Variants in ORC5 observed in about 807,000 individuals in gnomAD.
ORC5 encodes the protein protein phosphatase 1, regulatory subunit 117.
ORC5 carries 39 observed loss-of-function variants against 58.8 expected under a neutral mutation model. The ratio of observed to expected loss-of-function variants is 0.66; its 90% CI spans 0.51 to 0.87. The LOEUF (loss-of-function observed/expected upper bound fraction) is 0.87, where lower values mean the gene tolerates loss of function less well. Ranked by LOEUF, ORC5 falls within the 40% of genes least tolerant of loss-of-function variation. The probability of loss-of-function intolerance (pLI) is 0.00; values close to 1 mark genes in which losing one functional copy is unlikely to be tolerated. For missense variants in ORC5, 493 were observed against 506.3 expected, an observed-to-expected ratio of 0.97 and a Z score of 0.25; for synonymous variants, 218 against 177.6, an observed-to-expected ratio of 1.23 and a Z score of -1.81.
At chr7:104,145,721 G>C (rs999325104) in intron 12 of ORC5, among the ~76,000 whole-genome samples, 74 of 152,258 alleles carry the variant, frequency 4.9e-4, no homozygotes, top group African/African-American at 1.8e-3. Context: ...CTGAAAGGTA[G>C]AAAGAGGTAG....
intron 13 of ORC5, 91 bp from the exon 14 acceptor site, chr7:104,126,984 T>A (rs1798438998): frequency 3.6e-6 from 3 of 827,330 alleles, no homozygotes; most frequent in Non-Finnish European, 5.8e-6. Flanking sequence ...AAATAATTCA[T>A]GACTAATGCT....
intron 3 of ORC5, among the ~76,000 whole-genome samples, chr7:104,200,053 G>A (rs938118500): frequency 1.5e-4 from 23 of 152,208 alleles, no homozygotes; most frequent in African/African-American, 5.5e-4. Flanking sequence ...GCCTTCTGCT[G>A]ATTATAAGTT....
intron 8 of ORC5, among the ~76,000 whole-genome samples, chr7:104,178,598 C>A (rs947447132): frequency 2.6e-5 from 4 of 152,066 alleles, no homozygotes; most frequent in Non-Finnish European, 5.9e-5. Context: ...GCTTTTGTTG[C>A]AATTGCTTTT....
At chr7:104,127,453 G>A (rs1798447066) in intron 13 of ORC5, among the ~76,000 whole-genome samples, 1 of 152,096 alleles carries the variant, frequency 6.6e-6, no homozygotes, top group East Asian at 1.9e-4. Flanking sequence ...GTATATTTTT[G>A]TACTCTGATG....
intron 8 of ORC5, among the ~76,000 whole-genome samples, chr7:104,173,470 C>T (rs1448025134): frequency 6.6e-6 from 1 of 152,178 alleles, no homozygotes. Flanking sequence ...AGCAAGATCA[C>T]CTTCAGAAGG....
Position 104,207,846 on chromosome 7 carries a change from G to A in ORC5, c.59C>T (p.Ser20Phe). Residue 20 changes from serine (S) to phenylalanine (F), a missense_variant, in exon 1 of 14, where the codon TCC becomes TTC. Coordinates refer to ENST00000297431, the MANE Select transcript of ORC5 (RefSeq NM_002553.4). ...TAACTACAATACCTCTCCAAACAAGGACTGCAAGATGGACACTTGAGACTC... is the reference window on the plus strand; with the variant it reads ...TAACTACAATACCTCTCCAAACAAGAACTGCAAGATGGACACTTGAGACTC... ...CRESQVSILQ[S>F]LFGERHHFSF... The A allele has an allele frequency of 6.2e-7, 1 of 1,614,040 alleles. No individual in the cohort carries two copies. The highest frequency in any genetic ancestry group is 2.2e-5 in the East Asian group (1 of 44,868).
At chr7:104,164,128 C>T (rs1016742822) in intron 11 of ORC5, among the ~76,000 whole-genome samples, 3 of 152,002 alleles carry the variant, frequency 2.0e-5, no homozygotes, top group Admixed American at 6.6e-5. Context: ...TTTAAAAATT[C>T]GAGACATTAG....
chr7:104,166,523 C>A (rs1256759798), intron 10 of ORC5, among the ~76,000 whole-genome samples: 1 of 152,102 alleles, frequency 6.6e-6, no homozygotes, highest in Admixed American at 6.5e-5. Flanking sequence ...TAAACAAAAC[C>A]CTATGTATTT....
chr7:104,142,223 A>C (rs988604380), intron 12 of ORC5, among the ~76,000 whole-genome samples: 3 of 152,168 alleles, frequency 2.0e-5, no homozygotes, highest in Non-Finnish European at 4.4e-5. Context: ...ATCTTACACC[A>C]TACACAAAAA....
intron 12 of ORC5, among the ~76,000 whole-genome samples, chr7:104,150,756 T>C (rs1322009944): frequency 6.6e-6 from 1 of 152,194 alleles, no homozygotes; most frequent in Non-Finnish European, 1.5e-5. Context: ...ATGACTCTCA[T>C]GTTCATGGAT....
chr7:104,178,410 TG>T (rs1413415918), intron 8 of ORC5, among the ~76,000 whole-genome samples: 1 of 152,010 alleles, frequency 6.6e-6, no homozygotes, highest in African/African-American at 2.4e-5. Context: ...TTGATGGGGT[TG>T]TTTTTTTCTT....
chr7:104,185,676 G>A (rs1799528652), intron 6 of ORC5, among the ~76,000 whole-genome samples: 2 of 152,082 alleles, frequency 1.3e-5, no homozygotes, highest in Admixed American at 6.5e-5. Context: ...TCTAAAGTTT[G>A]AGGAGTACTA....
At chr7:104,158,853 A>T (rs934189489) in intron 12 of ORC5, among the ~76,000 whole-genome samples, 1 of 151,976 alleles carries the variant, frequency 6.6e-6, no homozygotes, top group African/African-American at 2.4e-5. Flanking sequence ...GATGTGGAGA[A>T]ATAGGAACAC....
At chr7:104,168,074 T>C (rs1799137571) in intron 9 of ORC5, 4 of 178,812 alleles carry the variant, frequency 2.2e-5, no homozygotes, top group Non-Finnish European at 3.4e-5. Context: ...GCACAATGTT[T>C]TCAAAACATA....
chr7:104,170,679 T>C (rs992108950), intron 8 of ORC5, among the ~76,000 whole-genome samples: 8 of 152,228 alleles, frequency 5.3e-5, no homozygotes, highest in Non-Finnish European at 1.2e-4. Context: ...TTTGTTACAG[T>C]ACAATATACT....
chr7:104,140,399 C>T (rs1297761199), intron 12 of ORC5, among the ~76,000 whole-genome samples: 1 of 152,080 alleles, frequency 6.6e-6, no homozygotes, highest in African/African-American at 2.4e-5. Context: ...ACTTTCACTA[C>T]CTTGTAAGTA....
intron 6 of ORC5, chr7:104,187,808 ACCATACTCAAAT>A: frequency 1.0e-6 from 1 of 985,904 alleles, no homozygotes; most frequent in Non-Finnish European, 1.2e-6. Context: ...AAAGCTTCTG[ACCATACTCAAAT>A]CCATCTAGAT....
chr7:104,165,614 TA>T (rs946069704), intron 10 of ORC5: 1 of 197,674 alleles, frequency 5.1e-6, no homozygotes, highest in African/African-American at 2.4e-5. Context: ...TATGGATTTT[TA>T]TTCATCCCAT....
At chr7:104,143,707 T>C (rs1266092611) in intron 12 of ORC5, among the ~76,000 whole-genome samples, 2 of 152,308 alleles carry the variant, frequency 1.3e-5, no homozygotes, top group African/African-American at 4.8e-5. Context: ...CTCATTTCAG[T>C]CATTTGTTGA....
Sources: gnomAD v4.1 joint callset for allele counts (sites outside exome capture counted in the v4.1 genomes callset) on GRCh38, gnomAD v4.1.1 for gene constraint, MANE v1.5 for transcripts, NCBI Gene and HGNC (gene_info 2026-07-23, HGNC 2026-07-21) for gene names.